Variants in EIF2B5 observed in about 807,000 individuals in gnomAD.
EIF2B5 encodes the protein eukaryotic translation initiation factor 2B subunit epsilon.
EIF2B5 carries 38 observed loss-of-function variants against 87.3 expected under a neutral mutation model. That is an observed-to-expected ratio of 0.44 (90% CI 0.34 to 0.57). The LOEUF (loss-of-function observed/expected upper bound fraction) is 0.57, where lower values mean the gene tolerates loss of function less well. EIF2B5 is among the 20% of genes least tolerant of loss of function. The pLI, the probability that EIF2B5 is intolerant of heterozygous loss-of-function variation, is 0.02. For missense variants in EIF2B5, 784 were observed against 909.5 expected (o/e 0.86, Z 1.78); for synonymous variants, 313 against 339.6 (o/e 0.92, Z 0.86).
At position 184,144,666 on chromosome 3, in the gene EIF2B5, G is replaced by A; in HGVS notation, c.2065G>A (p.Asp689Asn). ...AATTCTGAGCTGGTTCAGCCAAAGA[G>A]ATACAACTGACAAGGGCCAGCAGTT... ...ETILSWFSQRDTTDKGQQLRK... is the reference protein window; with the variant it reads ...ETILSWFSQRNTTDKGQQLRK... The change falls in exon 15 of 16, where the codon GAT becomes AAT. Residue 689 changes from aspartate to asparagine, a missense_variant. This residue lies in a region of EIF2B5 where 660 missense variants were observed against 789.5 expected (regional missense o/e 0.84). Transcript: ENST00000648915. 2 of 1,614,144 alleles carry A rather than the reference G, an allele frequency of 1.2e-6. No individual in the cohort carries two copies. Among genetic ancestry groups the A allele is most frequent in the South Asian group, 1.1e-5 (1 of 91,066 alleles).
intron 5 of EIF2B5, among the ~76,000 whole-genome samples, chr3:184,139,343 C>T (rs1365224936): frequency 5.1e-5 from 6 of 118,194 alleles, no homozygotes; most frequent in South Asian, 3.0e-4. Flanking sequence ...TGCAATGGTG[C>T]GATCTCAGCT....
At chr3:184,144,291 G>A in intron 14 of EIF2B5, 67 bp downstream of exon 14, 1 of 1,607,918 alleles carries the variant, frequency 6.2e-7, no homozygotes, top group Non-Finnish European at 8.5e-7. Context: ...ACCCCCTTGG[G>A]AGACATAAAA....
chr3:184,143,789 C>T (rs764394835), intron 13 of EIF2B5: 32 of 702,052 alleles, frequency 4.6e-5, no homozygotes, highest in Middle Eastern at 4.0e-4. Context: ...CCTAGGCCCA[C>T]AAAGGTATAT....
At position 184,135,411 on chromosome 3, in the gene EIF2B5, C is replaced by G; in HGVS notation, c.26C>G (p.Pro9Arg). The G allele has an allele frequency of 3.8e-6, 6 of 1,581,702 alleles. No homozygotes were observed. The highest frequency in any genetic ancestry group is 4.3e-6 in the Non-Finnish European group (5 of 1,165,504). Residue 9 changes from proline to arginine, a missense_variant, in exon 1 of 16, where the codon CCT becomes CGT. Transcript: ENST00000648915. ...ATGGCGGCCCCTGTAGTGGCGCCGC[C>G]TGGTGTGGTGGTTAGTCGGGCTAAC... is the stretch of plus-strand genomic sequence containing the variant. MAAPVVAP[P>R]GVVVSRANKR...
intron 2 of EIF2B5, chr3:184,136,972 C>A: frequency 1.8e-6 from 1 of 554,068 alleles, no homozygotes; most frequent in Non-Finnish European, 3.1e-6. Context: ...TTCTGAATCT[C>A]ATTATAAAGT....
chr3:184,136,983 T>C (rs1321064573), intron 2 of EIF2B5: 2 of 520,056 alleles, frequency 3.8e-6, no homozygotes, highest in Non-Finnish European at 6.8e-6. Context: ...ATTATAAAGT[T>C]TGGTGCCAGT....
chr3:184,141,776 G>A (rs2109010044), intron 7 of EIF2B5, 149 bp from the exon 8 acceptor site: 2 of 911,934 alleles, frequency 2.2e-6, no homozygotes, highest in Non-Finnish European at 3.5e-6. Context: ...GGGCTTAGGG[G>A]GTGAGTGGGT....
Position 184,142,668 on chromosome 3 carries a change from C to T in EIF2B5, c.1546+65C>T, listed in dbSNP as rs1713692354. The stretch of plus-strand genomic sequence containing the variant: ...GGAATATTTTGAAGGATAATGAATA[C>T]TTCAGAGTCACATTACTTATTCACT... On this transcript the variant is annotated intron_variant, in intron 10 of 15. Transcript: ENST00000648915. This position sits in a 1 kb window ranked among gnomAD's most constrained non-coding sequence, Gnocchi z 5.0. 8.3e-6 allele frequency: 13 copies of T among 1,563,824 alleles called. No individual in the cohort carries two copies. The South Asian group carries it at 1.4e-4, about 17-fold the overall frequency.
intron 5 of EIF2B5, chr3:184,138,746 C>T (rs1169756773): frequency 3.1e-5 from 7 of 228,746 alleles, no homozygotes; most frequent in South Asian, 1.8e-4. Flanking sequence ...CTGCTCACTG[C>T]AGCCTCAGCC....
Position 184,144,726 on chromosome 3 carries a change from C to G in EIF2B5, c.2106+19C>G. ...TCAACAGGTGCGTCAGGCTGTCCTC[C>G]TCTCGCCAAGATGGTTATCTCATTC... is the stretch of plus-strand genomic sequence containing the variant. On this transcript the variant is annotated intron_variant, in intron 15 of 15. Transcript: ENST00000648915. The G allele has an allele frequency of 6.2e-7, 1 of 1,608,534 alleles. No individual in the cohort carries two copies. The highest frequency in any genetic ancestry group is 8.5e-7 in the Non-Finnish European group (1 of 1,176,880).
rs774156834 is a variant in EIF2B5, at chr3:184,138,180, C to T, written c.699C>T (p.Gly233=). The change falls in exon 5 of 16, where the codon GGC becomes GGT. Residue 233 remains glycine, a synonymous_variant. Coordinates refer to ENST00000648915, the MANE Select transcript of EIF2B5 (RefSeq NM_003907.3). ...TCTCCCCACAGAGCCTGTTTCAGGGCAGTAGTGATGGAGTGGAGGTTCGAT... is the reference window on the plus strand; with the variant it reads ...TCTCCCCACAGAGCCTGTTTCAGGGTAGTAGTGATGGAGTGGAGGTTCGAT... ...RFAFPLSLFQ[G]SSDGVEVRYD... is the part of the protein sequence containing the mutation. 6.2e-7 allele frequency: 1 copy of T among 1,614,064 alleles called. No individual in the cohort carries two copies. Among genetic ancestry groups the T allele is most frequent in the Non-Finnish European group, 8.5e-7 (1 of 1,180,024 alleles).
intron 15 of EIF2B5, 28 bp downstream of exon 15, chr3:184,144,735 A>G: frequency 6.2e-7 from 1 of 1,604,892 alleles, no homozygotes; most frequent in Non-Finnish European, 8.5e-7. Flanking sequence ...CCTCTCGCCA[A>G]GATGGTTATC....
At chr3:184,135,664 C>T in intron 1 of EIF2B5, 84 bp downstream of exon 1, 1 of 1,520,836 alleles carries the variant, frequency 6.6e-7, no homozygotes, top group South Asian at 1.2e-5. Flanking sequence ...ACTACAACAG[C>T]ATGCCCTTGA....
rs1252576531 is a variant in EIF2B5, at chr3:184,143,161, T to C, written c.1745+19T>C. 7.5e-6 allele frequency: 12 copies of C among 1,610,172 alleles called. No individual in the cohort carries two copies. The highest frequency in any genetic ancestry group is 1.0e-5 in the Non-Finnish European group (12 of 1,178,066). On this transcript the variant is annotated intron_variant, in intron 12 of 15. Coordinates refer to ENST00000648915, the MANE Select transcript of EIF2B5 (RefSeq NM_003907.3). Reference sequence around the variant, plus strand: ...CTCTCAAGTAAGAGCAGCCCCTCCCTGTTCTCCTCGGGGTGATCCCGGGAA... The same window carrying C: ...CTCTCAAGTAAGAGCAGCCCCTCCCCGTTCTCCTCGGGGTGATCCCGGGAA...
intron 4 of EIF2B5, 24 bp downstream of exon 4, chr3:184,138,099 T>C (rs1264033186): frequency 2.5e-6 from 4 of 1,613,330 alleles, no homozygotes; most frequent in Non-Finnish European, 3.4e-6. Flanking sequence ...TGGGGTCCTT[T>C]GAGATGGGGA....
Position 184,145,025 on chromosome 3 carries a change from G to C in EIF2B5, c.*82G>C, listed in dbSNP as rs1713808146. 1.5e-6 allele frequency: 2 copies of C among 1,295,746 alleles called. No individual in the cohort carries two copies. Among genetic ancestry groups the C allele is most frequent in the Admixed American group, 1.8e-5 (1 of 56,440 alleles). The allele number at this position is 1,295,746 out of a possible 1,614,324, so 80.3% of individuals were successfully genotyped here. ...GGACAAGTGAGGAACTAGCTGCAGA[G>C]GGATGAGTGACCACCATCCAGGCTG... On this transcript the variant is annotated 3_prime_UTR_variant, in exon 16 of 16. Coordinates refer to ENST00000648915, the MANE Select transcript of EIF2B5 (RefSeq NM_003907.3). This position sits in a 1 kb window ranked among gnomAD's most constrained non-coding sequence, Gnocchi z 4.0.
Position 184,135,454 on chromosome 3 carries a change from G to A in EIF2B5, c.69G>A (p.Gly23=), listed in dbSNP as rs972606125. Reference sequence around the variant, plus strand: ...GGGCTAACAAGCGCAGCGGCGCGGGGCCGGGAGGCAGCGGTGGCGGGGGAG... The same window carrying A: ...GGGCTAACAAGCGCAGCGGCGCGGGACCGGGAGGCAGCGGTGGCGGGGGAG... ...VSRANKRSGA[G]PGGSGGGGAR... is the part of the protein sequence containing the mutation. The change falls in exon 1 of 16, where the codon GGG becomes GGA. Residue 23 remains glycine, a synonymous_variant. Coordinates refer to ENST00000648915, the MANE Select transcript of EIF2B5 (RefSeq NM_003907.3). 1.3e-6 allele frequency: 2 copies of A among 1,581,524 alleles called. No homozygotes were observed. The highest frequency in any genetic ancestry group is 1.7e-4 in the Middle Eastern group (1 of 5,998).
rs767323494 is a variant in EIF2B5 at position 184,137,662 on chromosome 3, A to C, written c.363A>C (p.Arg121=). The C allele has an allele frequency of 3.7e-6, 6 of 1,614,206 alleles. No individual in the cohort carries two copies. The South Asian group carries it at 6.6e-5, about 18-fold the overall frequency. ...WCRPTSLNVV[R]IITSELYRSL... is the part of the protein sequence containing the mutation. ...GCCCTACATCTCTCAATGTGGTTCG[A>C]ATAATTACATCAGAGCTCTATCGAT... is the stretch of plus-strand genomic sequence containing the variant. Residue 121 remains arginine (R), a synonymous_variant, in exon 3 of 16, where the codon CGA becomes CGC. Coordinates refer to ENST00000648915, the MANE Select transcript of EIF2B5 (RefSeq NM_003907.3).
Position 184,142,830 on chromosome 3 carries a change from T to C in EIF2B5, c.1598T>C (p.Met533Thr). 1.9e-6 allele frequency: 3 copies of C among 1,614,102 alleles called. No homozygotes were observed. The highest frequency in any genetic ancestry group is 1.6e-4 in the Middle Eastern group (1 of 6,062). The stretch of plus-strand genomic sequence containing the variant: ...AGTGAAAGTGAAAGTGAGCAAAGTA[T>C]GGATTCTGAGGAGCCGGACAGCCGG... ...EESESESEQS[M>T]DSEEPDSRGG... The change falls in exon 11 of 16, where the codon ATG (methionine) becomes ACG (threonine). Residue 533 changes from methionine to threonine, a missense_variant. Met to Thr is a moderately conservative substitution (Grantham distance 81). Around this residue, in one of 3 missense-constraint regions of EIF2B5, gnomAD observed 660 missense variants for 789.5 expected, o/e 0.84. Transcript: ENST00000648915. This position sits in a 1 kb window ranked among gnomAD's most constrained non-coding sequence, Gnocchi z 5.0.
Sources: allele counts gnomAD v4.1 joint callset (sites outside exome capture counted in the v4.1 genomes callset), GRCh38; gene constraint gnomAD v4.1.1; regional missense constraint gnomAD v4.1.1; non-coding constraint Gnocchi (gnomAD v3.1); transcripts MANE v1.5; gene names NCBI Gene and HGNC (gene_info 2026-07-23, HGNC 2026-07-21).